The following ZNF365 variants were observed in gnomAD, a reference collection of about 807,000 sequenced individuals.
ZNF365 encodes zinc finger protein 365, also known as protein ZNF365.
In ZNF365, 22 loss-of-function variants were observed where a neutral mutation model predicts 35.0. That is an observed-to-expected ratio of 0.63 (90% CI 0.45 to 0.90). The LOEUF (loss-of-function observed/expected upper bound fraction) is 0.90, where lower values mean the gene tolerates loss of function less well. Among genes scored for constraint, ZNF365 ranks in the 40% least tolerant of loss-of-function variants. ZNF365 has a pLI of 0.00. For synonymous variants in ZNF365, 188 were observed against 196.2 expected (o/e 0.96, Z 0.35); for missense variants, 448 against 500.3 (o/e 0.90, Z 1.00).
At chr10:62,456,638 T>C (rs994692481) in intron 3 of ZNF365, among the ~76,000 whole-genome samples, 3 of 152,226 alleles carry the variant, frequency 2.0e-5, no homozygotes, top group African/African-American at 7.2e-5. Context: ...GAGAGCTCAA[T>C]GTGAGCGGGA....
intron 2 of ZNF365, among the ~76,000 whole-genome samples, chr10:62,379,017 C>T (rs188278244): frequency 8.8e-4 from 128 of 145,932 alleles, no homozygotes; most frequent in Admixed American, 6.2e-3. Flanking sequence ...GGATAAATTA[C>T]GAGTTGATTT....
intron 4 of ZNF365, among the ~76,000 whole-genome samples, chr10:62,470,374 C>T (rs574718816): frequency 2.8e-4 from 43 of 152,324 alleles, no homozygotes; most frequent in African/African-American, 1.0e-3. Flanking sequence ...GGGCTGTTAA[C>T]CCTTTGACTT....
At chr10:62,383,882 C>G (rs949400949) in intron 2 of ZNF365, among the ~76,000 whole-genome samples, 31 of 152,144 alleles carry the variant, frequency 2.0e-4, no homozygotes, top group African/African-American at 7.5e-4. Flanking sequence ...AGGTTTGGCT[C>G]TCTGGAAAGG....
At chr10:62,389,451 A>C (rs1350516212) in intron 3 of ZNF365, among the ~76,000 whole-genome samples, 3 of 114,076 alleles carry the variant, frequency 2.6e-5, no homozygotes, top group Admixed American at 8.6e-5. Context: ...TTTTTTTTTT[A>C]CTGCTTCCAC....
intron 3 of ZNF365, among the ~76,000 whole-genome samples, chr10:62,414,791 T>C (rs10995150): frequency 0.63 from 95,299 of 151,554 alleles, 30,619 homozygotes; most frequent in East Asian, 0.84. Flanking sequence ...ATTTCTTCTG[T>C]CTCATTCTTT....
At chr10:62,421,192 A>G (rs1315633106) in intron 3 of ZNF365, among the ~76,000 whole-genome samples, 1 of 152,122 alleles carries the variant, frequency 6.6e-6, no homozygotes. Context: ...TGTCATCACC[A>G]ATTTTCTGAA....
intron 4 of ZNF365, among the ~76,000 whole-genome samples, chr10:62,463,440 G>A (rs181666279): frequency 5.6e-4 from 86 of 152,290 alleles, no homozygotes; most frequent in Non-Finnish European, 1.1e-3. Flanking sequence ...ATCCCACTAA[G>A]CCATTGAAAT....
chr10:62,413,430 T>C (rs1223942293), intron 3 of ZNF365, among the ~76,000 whole-genome samples: 1 of 152,186 alleles, frequency 6.6e-6, no homozygotes, highest in African/African-American at 2.4e-5. Context: ...GAACATGCAT[T>C]AACGTCTTCT....
chr10:62,432,058 G>A (rs1252362362), intron 3 of ZNF365, among the ~76,000 whole-genome samples: 4 of 152,124 alleles, frequency 2.6e-5, no homozygotes, highest in African/African-American at 2.4e-5. Context: ...AAAATAAAGT[G>A]TTGGAAGATG....
intron 3 of ZNF365, among the ~76,000 whole-genome samples, chr10:62,457,663 C>A (rs192632965): frequency 2.1e-4 from 32 of 152,300 alleles, no homozygotes; most frequent in Non-Finnish European, 5.9e-5. Flanking sequence ...TATAACAGTT[C>A]TCTTTCATGC....
chr10:62,457,308 A>G (rs1286765865), intron 3 of ZNF365, among the ~76,000 whole-genome samples: 1 of 152,228 alleles, frequency 6.6e-6, no homozygotes, highest in Non-Finnish European at 1.5e-5. Flanking sequence ...GGAGGCAGAG[A>G]ATATTTCTGC....
chr10:62,430,380 C>T (rs1046921619), intron 3 of ZNF365, among the ~76,000 whole-genome samples: 1 of 151,586 alleles, frequency 6.6e-6, no homozygotes, highest in African/African-American at 2.4e-5. Flanking sequence ...CGGGGTTTCA[C>T]CATGTTAGCC....
At chr10:62,413,601 G>A (rs1840023360) in intron 3 of ZNF365, among the ~76,000 whole-genome samples, 1 of 151,988 alleles carries the variant, frequency 6.6e-6, no homozygotes, top group South Asian at 2.1e-4. Flanking sequence ...GATTTAGGGT[G>A]TACCTAACAC....
chr10:62,464,439 C>A (rs546297068), intron 4 of ZNF365, among the ~76,000 whole-genome samples: 1 of 152,302 alleles, frequency 6.6e-6, no homozygotes, highest in South Asian at 2.1e-4. Flanking sequence ...AGGAGTGTTT[C>A]TTTTGCTTAC....
intron 3 of ZNF365, among the ~76,000 whole-genome samples, chr10:62,436,893 C>T (rs975212205): frequency 7.2e-5 from 11 of 151,894 alleles, no homozygotes; most frequent in Non-Finnish European, 1.3e-4. Flanking sequence ...CTCAATGCAC[C>T]GTAAACAACG....
chr10:62,412,787 A>C (rs1399825736), intron 3 of ZNF365, among the ~76,000 whole-genome samples: 1 of 152,180 alleles, frequency 6.6e-6, no homozygotes, highest in East Asian at 1.9e-4. Flanking sequence ...AAACAAATGG[A>C]AAAACATTCC....
chr10:62,416,683 GA>G (rs1310883390), intron 3 of ZNF365, among the ~76,000 whole-genome samples: 1 of 152,030 alleles, frequency 6.6e-6, no homozygotes, highest in Non-Finnish European at 1.5e-5. Context: ...AAATGCTTGG[GA>G]CTAGAAGTGT....
At chr10:62,472,784 C>T (rs1290233303) in intron 4 of ZNF365, among the ~76,000 whole-genome samples, 2 of 152,186 alleles carry the variant, frequency 1.3e-5, no homozygotes, top group Admixed American at 6.5e-5. Context: ...AGCATTCTGC[C>T]TACATTTCTA....
intron 3 of ZNF365, among the ~76,000 whole-genome samples, chr10:62,397,450 C>T (rs1159812773): frequency 6.6e-6 from 1 of 152,212 alleles, no homozygotes; most frequent in Non-Finnish European, 1.5e-5. Context: ...TTTGTCGTTT[C>T]TCTTCTTCTG....
Sources: allele counts gnomAD v4.1 joint callset (sites outside exome capture counted in the v4.1 genomes callset), GRCh38; gene constraint gnomAD v4.1.1; transcripts MANE v1.5; gene names NCBI Gene and HGNC (gene_info 2026-07-23, HGNC 2026-07-21).